Variants in PLD5 observed in about 807,000 individuals in gnomAD.
The protein encoded by PLD5 is phospholipase D family member 5.
PLD5 carries 36 observed loss-of-function variants against 61.1 expected under a neutral mutation model. That is an observed-to-expected ratio of 0.59 (90% CI 0.45 to 0.78). The LOEUF is 0.78. PLD5 is among the 30% of genes least tolerant of loss of function. The pLI, the probability that PLD5 is intolerant of heterozygous loss-of-function variation, is 0.00. For missense variants in PLD5, 515 were observed against 644.4 expected, an observed-to-expected ratio of 0.80 and a Z score of 2.17; for synonymous variants, 243 against 242.8, an observed-to-expected ratio of 1.00 and a Z score of -0.01.
At chr1:242,335,055 TTTTTA>T (rs1574753505) in intron 2 of PLD5, among the ~76,000 whole-genome samples, 2 of 151,958 alleles carry the variant, frequency 1.3e-5, no homozygotes, top group East Asian at 3.9e-4. Flanking sequence ...CTCTCTACAG[TTTTTA>T]TTTTATTTCT....
chr1:242,467,820 T>TA (rs1020555456), intron 1 of PLD5, among the ~76,000 whole-genome samples: 2 of 152,116 alleles, frequency 1.3e-5, no homozygotes, highest in Non-Finnish European at 2.9e-5. Flanking sequence ...TGGCCTTTGT[T>TA]AGAGAGTTTA....
intron 1 of PLD5, among the ~76,000 whole-genome samples, chr1:242,448,514 T>C (rs554806347): frequency 1.3e-5 from 2 of 152,354 alleles, no homozygotes; most frequent in East Asian, 3.9e-4. Flanking sequence ...CCTTTGTCCA[T>C]TAATCCTTTC....
chr1:242,507,098 A>G (rs772004528), intron 1 of PLD5, among the ~76,000 whole-genome samples: 1 of 152,206 alleles, frequency 6.6e-6, no homozygotes, highest in Non-Finnish European at 1.5e-5. Flanking sequence ...CAGTCAGGTA[A>G]GCTACTTAGA....
chr1:242,384,940 G>C (rs1234019474), intron 1 of PLD5, among the ~76,000 whole-genome samples: 2 of 152,126 alleles, frequency 1.3e-5, no homozygotes, highest in Middle Eastern at 3.2e-3. Context: ...TTCATCAGTA[G>C]GACACATGGC....
intron 2 of PLD5, among the ~76,000 whole-genome samples, chr1:242,312,577 C>T (rs1676765655): frequency 6.6e-6 from 1 of 152,166 alleles, no homozygotes; most frequent in Admixed American, 6.5e-5. Context: ...ACAAGCCATG[C>T]CTGCTTCTTC....
At chr1:242,358,287 G>A (rs374578750) in intron 1 of PLD5, among the ~76,000 whole-genome samples, 3 of 152,020 alleles carry the variant, frequency 2.0e-5, no homozygotes, top group Non-Finnish European at 4.4e-5. Context: ...TCTTTTGGAG[G>A]TGTCATGATT....
In PLD5 at chr1:242,194,622, C is replaced by CTATCTATCTATG. The variant is rs1558328801; in HGVS notation, c.735+25365_735+25366insCATAGATAGATA. Among the ~76,000 whole-genome samples the CTATCTATCTATG allele has an allele frequency of 2.7e-3, 236 of 87,236 alleles. 2 individuals are homozygous for CTATCTATCTATG. Among genetic ancestry groups the CTATCTATCTATG allele is most frequent in the Middle Eastern group, 0.012 (2 of 164 alleles). 57.2% of individuals were successfully genotyped at this position (87,236 alleles called of 152,430 possible). ...TCTATCTATGTATCTATCTATGTAT[C>CTATCTATCTATG]TATCTATCTATCTATCTATCTATCT... On this transcript the variant is annotated intron_variant, in intron 5 of 9. Transcript: ENST00000536534.
intron 7 of PLD5, among the ~76,000 whole-genome samples, chr1:242,111,612 A>G (rs1661510803): frequency 6.6e-6 from 1 of 152,080 alleles, no homozygotes; most frequent in Non-Finnish European, 1.5e-5. Context: ...ATTTGATAGT[A>G]TTTACCTATT....
intron 1 of PLD5, among the ~76,000 whole-genome samples, chr1:242,465,330 T>C (rs1045929693): frequency 6.6e-5 from 10 of 152,340 alleles, no homozygotes; most frequent in African/African-American, 2.4e-4. Context: ...TGATCTTTCT[T>C]TTGGATTATT....
intron 4 of PLD5, among the ~76,000 whole-genome samples, 174 bp from the exon 5 acceptor site, chr1:242,220,289 C>G (rs1670483819): frequency 1.3e-5 from 2 of 149,332 alleles, no homozygotes; most frequent in South Asian, 4.3e-4. Context: ...TATTTTGTTC[C>G]CTAAAACAAA....
rs377298292 is a variant in PLD5 at position 242,184,494 on chromosome 1, A to G, written c.735+35494T>C. 3.3e-4 allele frequency among the ~76,000 whole-genome samples: 50 copies of G among 152,142 alleles called. No homozygotes were observed. The East Asian group carries it at 9.1e-3, about 28-fold the overall frequency. ...AGCAATTCTTGTGCCTCAGCCTTCC[A>G]AGTAGCTGGGGTTACAGGAGCCCAC... On this transcript the variant is annotated intron_variant, in intron 5 of 9. Transcript: ENST00000536534.
chr1:242,521,940 T>C (rs899142752), intron 1 of PLD5, among the ~76,000 whole-genome samples: 1 of 151,452 alleles, frequency 6.6e-6, no homozygotes, highest in African/African-American at 2.4e-5. Flanking sequence ...CAACATGACG[T>C]ATATTATAAA....
intron 1 of PLD5, among the ~76,000 whole-genome samples, chr1:242,423,265 A>T (rs935874556): frequency 6.6e-6 from 1 of 152,326 alleles, no homozygotes; most frequent in Middle Eastern, 3.4e-3. Context: ...TGCACAGCAG[A>T]CAATAAATGT....
rs1659380728 is a variant in PLD5 at position 242,084,778 on chromosome 1, T to TTTTTTTTTTTTTTA, written c.*5075_*5076insTAAAAAAAAAAAAA. The TTTTTTTTTTTTTTA allele has an allele frequency of 8.2e-6, 1 of 121,874 alleles. No homozygotes were observed. The highest frequency in any genetic ancestry group is 2.8e-4 in the South Asian group (1 of 3,582). 7.5% of individuals were successfully genotyped at this position (121,874 alleles called of 1,614,324 possible). On this transcript the variant is annotated 3_prime_UTR_variant, in exon 10 of 10. Transcript: ENST00000536534. Reference sequence around the variant, plus strand: ...TTTTTTTTTTTTTTTTTTTTTTTTTTAGAGAAAGAGATAGGTATAGTGTTT... The same window carrying TTTTTTTTTTTTTTA: ...TTTTTTTTTTTTTTTTTTTTTTTTTTTTTTTTTTTTTTTAAGAGAAAGAGATAGGTATAGTGTTT...
intron 3 of PLD5, among the ~76,000 whole-genome samples, chr1:242,283,281 A>T (rs71650684): frequency 6.6e-6 from 1 of 152,210 alleles, no homozygotes; most frequent in Non-Finnish European, 1.5e-5. Flanking sequence ...AGCAACCATC[A>T]CACTCACTCT....
chr1:242,291,791 A>G (rs1267128354), intron 2 of PLD5, among the ~76,000 whole-genome samples: 1 of 152,150 alleles, frequency 6.6e-6, no homozygotes, highest in Non-Finnish European at 1.5e-5. Context: ...TGGGTGACAG[A>G]GCGAGACTCT....
upstream of PLD5, among the ~76,000 whole-genome samples, chr1:242,529,598 T>A (rs1413871064): frequency 6.6e-6 from 1 of 152,070 alleles, no homozygotes; most frequent in Admixed American, 6.5e-5. Context: ...AACTGTATGG[T>A]CTTGCTTGGG....
chr1:242,515,099 T>C (rs374870465), intron 1 of PLD5, among the ~76,000 whole-genome samples: 9 of 152,218 alleles, frequency 5.9e-5, no homozygotes, highest in East Asian at 5.8e-4. Context: ...GATAGAACAG[T>C]ATTAGCTCCC....
At chr1:242,326,908 C>T (rs1184446119) in intron 2 of PLD5, among the ~76,000 whole-genome samples, 2 of 151,968 alleles carry the variant, frequency 1.3e-5, no homozygotes, top group Non-Finnish European at 2.9e-5. Flanking sequence ...TTCTGTTGCC[C>T]AGGCTGGAGT....
Sources: gnomAD v4.1 joint callset for allele counts (sites outside exome capture counted in the v4.1 genomes callset) on GRCh38, gnomAD v4.1.1 for gene constraint, MANE v1.5 for transcripts, NCBI Gene and HGNC (gene_info 2026-07-23, HGNC 2026-07-21) for gene names.